TRIM24: variants seen among roughly 807,000 people sequenced by gnomAD.
The protein encoded by TRIM24 is transcription intermediary factor 1-alpha.
Under a neutral mutation model 123.9 loss-of-function variants are expected in TRIM24, and 29 were observed. The ratio of observed to expected loss-of-function variants is 0.23; its 90% CI spans 0.17 to 0.32. TRIM24 has a LOEUF of 0.32. TRIM24 is among the 10% of genes least tolerant of loss of function. The pLI, the probability that TRIM24 is intolerant of heterozygous loss-of-function variation, is 1.00. For missense variants in TRIM24, 932 were observed against 1,295.3 expected, an observed-to-expected ratio of 0.72 and a Z score of 4.31; for synonymous variants, 456 against 461.1, an observed-to-expected ratio of 0.99 and a Z score of 0.14.
chr7:138,550,300 A>G (rs1033300246), intron 7 of TRIM24, among the ~76,000 whole-genome samples: 1 of 147,926 alleles, frequency 6.8e-6, no homozygotes, highest in Non-Finnish European at 1.5e-5. Flanking sequence ...TAATTGAGTG[A>G]GAGAAAGAGG....
At chr7:138,575,459 AT>A (rs34375724) in intron 12 of TRIM24, among the ~76,000 whole-genome samples, 235 of 127,224 alleles carry the variant, frequency 1.8e-3, no homozygotes, top group East Asian at 2.5e-3. Flanking sequence ...GGCCTGGCTA[AT>A]TTTTTTTTTT....
intron 14 of TRIM24, among the ~76,000 whole-genome samples, chr7:138,577,825 A>G (rs1320673338): frequency 1.3e-5 from 2 of 152,214 alleles, no homozygotes; most frequent in Non-Finnish European, 2.9e-5. Flanking sequence ...TCTTTCTTTA[A>G]TCAGAGTTTT....
chr7:138,536,845 A>C (rs1796887516), intron 6 of TRIM24, among the ~76,000 whole-genome samples: 1 of 152,116 alleles, frequency 6.6e-6, no homozygotes, highest in South Asian at 2.1e-4. Flanking sequence ...GGCCTCCTTG[A>C]GCTGCAGCGG....
At chr7:138,482,345 T>C (rs2116479576) in intron 1 of TRIM24, among the ~76,000 whole-genome samples, 1 of 152,314 alleles carries the variant, frequency 6.6e-6, no homozygotes, top group Admixed American at 6.5e-5. Flanking sequence ...GTTTTTTAGC[T>C]ATTTGAATTA....
chr7:138,541,108 G>A (rs1427773344), intron 7 of TRIM24, among the ~76,000 whole-genome samples: 1 of 152,088 alleles, frequency 6.6e-6, no homozygotes, highest in Non-Finnish European at 1.5e-5. Context: ...CCAAAGTGCT[G>A]GGATTACAGC....
At chr7:138,484,866 G>A (rs1795610099) in intron 1 of TRIM24, among the ~76,000 whole-genome samples, 1 of 152,012 alleles carries the variant, frequency 6.6e-6, no homozygotes, top group South Asian at 2.1e-4. Flanking sequence ...TTTTCGTAAA[G>A]GTTTATCTAT....
rs915986341 is a variant in TRIM24 at position 138,589,686 on chromosome 7, C to A, written c.*4735C>A. On this transcript the variant is annotated 3_prime_UTR_variant, in exon 19 of 19. Transcript: ENST00000343526. The stretch of plus-strand genomic sequence containing the variant: ...TCCCAAAGTAGGAGGACCAAAGATG[C>A]CATGAAGACTTCTAGTTGTCTGGAA... 6.6e-6 allele frequency: 1 copy of A among 152,106 alleles called. No individual in the cohort carries two copies. The highest frequency in any genetic ancestry group is 1.5e-5 in the Non-Finnish European group (1 of 68,022). 9.4% of individuals were successfully genotyped at this position (152,106 alleles called of 1,614,324 possible). A position where few individuals can be genotyped will look rare whatever the true frequency, so the allele number is the denominator to read the frequency against.
At chr7:138,576,572 A>C in intron 13 of TRIM24, 127 bp downstream of exon 13, 1 of 678,378 alleles carries the variant, frequency 1.5e-6, no homozygotes, top group Non-Finnish European at 2.3e-6. Context: ...TTAAAATTTT[A>C]ATAACTACTA....
At chr7:138,476,385 G>T (rs1321173679) in intron 1 of TRIM24, among the ~76,000 whole-genome samples, 1 of 152,100 alleles carries the variant, frequency 6.6e-6, no homozygotes, top group Non-Finnish European at 1.5e-5. Flanking sequence ...ATGAGGTCAG[G>T]AGTCCGAGAC....
Position 138,571,311 on chromosome 7 carries a change from T to A in TRIM24, c.1878+308T>A, listed in dbSNP as rs569394552. Among the ~76,000 whole-genome samples, 8 of 152,214 alleles carry A rather than the reference T, an allele frequency of 5.3e-5. No individual in the cohort carries two copies. The East Asian group carries it at 1.5e-3, about 29-fold the overall frequency. On this transcript the variant is annotated intron_variant, in intron 11 of 18. Coordinates refer to ENST00000343526, the MANE Select transcript of TRIM24 (RefSeq NM_015905.3). ...CCCTGTCTCAACAAAGAAAGAAAAT[T>A]GTTAGTGAATTTGGATCTGGTAGAA...
chr7:138,483,503 A>G (rs1185069915), intron 1 of TRIM24, among the ~76,000 whole-genome samples: 1 of 152,244 alleles, frequency 6.6e-6, no homozygotes, highest in Non-Finnish European at 1.5e-5. Flanking sequence ...ACCATTAAAT[A>G]GGAAGTTTGC....
At chr7:138,466,462 G>GTTTTTTTTTTTT (rs1563020272) in intron 1 of TRIM24, among the ~76,000 whole-genome samples, 2 of 32,668 alleles carry the variant, frequency 6.1e-5, no homozygotes, top group African/African-American at 1.3e-4. Flanking sequence ...AACTTAAGTT[G>GTTTTTTTTTTTT]CTTTTTTTTT....
intron 10 of TRIM24, among the ~76,000 whole-genome samples, chr7:138,568,764 T>C (rs930451557): frequency 1.3e-5 from 2 of 150,996 alleles, no homozygotes; most frequent in Non-Finnish European, 3.0e-5. Flanking sequence ...TCACAGTGTT[T>C]TTTCTTCTCA....
At chr7:138,496,870 T>A (rs534457770) in intron 1 of TRIM24, among the ~76,000 whole-genome samples, 1 of 152,310 alleles carries the variant, frequency 6.6e-6, no homozygotes, top group South Asian at 2.1e-4. Context: ...CTTATTTTGT[T>A]AACATAATGA....
At chr7:138,487,734 G>A (rs1237972453) in intron 1 of TRIM24, among the ~76,000 whole-genome samples, 3 of 152,078 alleles carry the variant, frequency 2.0e-5, no homozygotes, top group East Asian at 1.9e-4. Flanking sequence ...ATATGCTGCC[G>A]GATTTGGTTT....
intron 6 of TRIM24, among the ~76,000 whole-genome samples, chr7:138,535,951 T>A (rs887658879): frequency 6.6e-6 from 1 of 152,232 alleles, no homozygotes; most frequent in African/African-American, 2.4e-5. Context: ...CTCTTCTTGC[T>A]TCGTTTCATT....
chr7:138,475,819 C>G (rs10253989), intron 1 of TRIM24, among the ~76,000 whole-genome samples: 3,772 of 152,228 alleles, frequency 0.025, 125 homozygotes, highest in African/African-American at 0.083. Flanking sequence ...CCAACTCTGT[C>G]TTTTATATAA....
chr7:138,465,077 A>G (rs1254326558), intron 1 of TRIM24, among the ~76,000 whole-genome samples: 1 of 152,234 alleles, frequency 6.6e-6, no homozygotes, highest in Admixed American at 6.5e-5. Context: ...ACTGTTTTAA[A>G]GGAGAAATAA....
At chr7:138,491,084 A>G (rs991812444) in intron 1 of TRIM24, 7 of 258,844 alleles carry the variant, frequency 2.7e-5, no homozygotes, top group Non-Finnish European at 4.6e-5. Flanking sequence ...AAGTTAAGTC[A>G]GGCAATTTTT....
Sources: allele counts gnomAD v4.1 joint callset (sites outside exome capture counted in the v4.1 genomes callset), GRCh38; gene constraint gnomAD v4.1.1; transcripts MANE v1.5; gene names NCBI Gene and HGNC (gene_info 2026-07-23, HGNC 2026-07-21).